The following XKRX variants were observed in gnomAD, a reference collection of about 807,000 sequenced individuals.
XKRX encodes the protein XK related X-linked, also known as XK-related protein 2.
In XKRX, 11 loss-of-function variants were observed where a neutral mutation model predicts 22.4. That is an observed-to-expected ratio of 0.49 (90% confidence interval 0.31 to 0.81). The LOEUF is 0.81. Ranked by LOEUF, XKRX falls within the 40% of genes least tolerant of loss-of-function variation. The pLI is 0.05. For synonymous variants in XKRX, 114 were observed against 132.2 expected (o/e 0.86, Z 0.94); for missense variants, 320 against 336.5 (o/e 0.95, Z 0.38).
At chrX:100,915,472 G>A (rs2085430031) in intron 2 of XKRX, among the ~76,000 whole-genome samples, 1 of 110,956 alleles carries the variant, frequency 9.0e-6, no homozygotes, top group African/African-American at 3.3e-5. Flanking sequence ...AGCCATTATG[G>A]AAAACAGCAT....
the XKRX span, among the ~76,000 whole-genome samples, chrX:100,908,106 A>T: frequency 4.6e-5 from 4 of 86,991 alleles, no homozygotes; most frequent in Admixed American, 1.3e-4. Context: ...TCATGCATGG[A>T]GTGTGTGTGT....
chrX:100,906,243 C>T, the XKRX span, among the ~76,000 whole-genome samples: 24 of 111,694 alleles, frequency 2.1e-4, no homozygotes, highest in African/African-American at 7.5e-4. Flanking sequence ...GATGAAGATA[C>T]ATTGACACAT....
At chrX:100,952,145 G>C in the XKRX span, among the ~76,000 whole-genome samples, 2 of 110,414 alleles carry the variant, frequency 1.8e-5, no homozygotes, top group Admixed American at 9.8e-5. Flanking sequence ...ATACAAGTCT[G>C]GTTCAATATT....
chrX:100,908,412 C>G, the XKRX span, among the ~76,000 whole-genome samples: 2 of 111,387 alleles, frequency 1.8e-5, no homozygotes, highest in African/African-American at 6.5e-5. Context: ...CCACTGCGCC[C>G]GGCCAGAATG....
chrX:100,923,071 T>C lies in XKRX; in HGVS notation c.336-10A>G, dbSNP rs1302853306. ...CATGGCCTCCAAACATCTGCAGAAG[T>C]AAAGCATCATGCAAACTTAACTAAG... On this transcript the variant is annotated splice_polypyrimidine_tract_variant and intron_variant, in intron 1 of 2. Transcript: ENST00000372956. 8.3e-7 allele frequency: 1 copy of C among 1,209,622 alleles called. No individual in the cohort carries two copies. Among genetic ancestry groups the C allele is most frequent in the Admixed American group, 2.2e-5 (1 of 45,930 alleles).
chrX:100,950,194 G>GA, the XKRX span, among the ~76,000 whole-genome samples: 2 of 111,676 alleles, frequency 1.8e-5, no homozygotes, highest in African/African-American at 6.5e-5. Context: ...CTAGGGGGCT[G>GA]AAAAAGTTCT....
At chrX:100,937,975 C>T in the XKRX span, among the ~76,000 whole-genome samples, 1 of 111,674 alleles carries the variant, frequency 9.0e-6, no homozygotes, top group African/African-American at 3.3e-5. Flanking sequence ...TGGGAAAGAT[C>T]ATGAATCTTG....
chrX:100,897,593 A>ATGTGTG, the XKRX span, among the ~76,000 whole-genome samples: 548 of 66,431 alleles, frequency 8.2e-3, 9 homozygotes, highest in East Asian at 0.025. Flanking sequence ...AAATATATAT[A>ATGTGTG]TGTGTGTGTG....
intron 2 of XKRX, among the ~76,000 whole-genome samples, chrX:100,918,814 C>T (rs759896888): frequency 2.7e-5 from 3 of 109,962 alleles, no homozygotes; most frequent in Non-Finnish European, 5.7e-5. Context: ...CCTTTTTCTC[C>T]TCCTCCCCCT....
At chrX:100,895,946 A>G in the XKRX span, among the ~76,000 whole-genome samples, 1 of 112,090 alleles carries the variant, frequency 8.9e-6, no homozygotes, top group East Asian at 2.8e-4. Context: ...AAGGCTTGCC[A>G]CAAAGGGTTG....
the XKRX span, among the ~76,000 whole-genome samples, chrX:100,955,025 G>A: frequency 2.7e-5 from 3 of 111,936 alleles, no homozygotes; most frequent in African/African-American, 9.7e-5. Flanking sequence ...ACTAAAAAAC[G>A]ATGAACTGCA....
upstream of XKRX, among the ~76,000 whole-genome samples, chrX:100,932,807 A>G (rs914916478): frequency 1.4e-4 from 16 of 112,557 alleles, no homozygotes; most frequent in African/African-American, 4.2e-4. Flanking sequence ...CAGAGAATCA[A>G]TAGCCAGAAT....
At chrX:100,917,621 AAAGAGAAAGAAAG>A (rs1318679920) in intron 2 of XKRX, among the ~76,000 whole-genome samples, 1 of 95,477 alleles carries the variant, frequency 1.0e-5, no homozygotes, top group African/African-American at 4.1e-5. Flanking sequence ...AGAGAGAAAG[AAAGAGAAAGAAAG>A]AAGAAAGAAA....
the XKRX span, among the ~76,000 whole-genome samples, chrX:100,947,128 T>G: frequency 5.4e-5 from 6 of 112,128 alleles, no homozygotes; most frequent in Non-Finnish European, 9.4e-5. Flanking sequence ...CAACTAAAAC[T>G]GAATTCATCT....
At chrX:100,890,009 A>C in the XKRX span, among the ~76,000 whole-genome samples, 2 of 111,680 alleles carry the variant, frequency 1.8e-5, no homozygotes, top group African/African-American at 3.3e-5. Context: ...GATAAGGAAC[A>C]AACCCTGCCT....
chrX:100,915,194 C>G, intron 2 of XKRX, 111 bp from the exon 3 acceptor site: 1 of 831,057 alleles, frequency 1.2e-6, no homozygotes, highest in Non-Finnish European at 1.7e-6. Context: ...CTTGAGAGCT[C>G]CAGTTAAGAG....
Position 100,914,473 on chromosome X carries a change from C to T in XKRX, c.1215G>A (p.Leu405=). The change falls in exon 3 of 3, where the codon TTG becomes TTA. Residue 405 remains leucine (L), a synonymous_variant. Coordinates refer to ENST00000372956, the MANE Select transcript of XKRX (RefSeq NM_212559.3). ...IGFMLLFFQY[L]HPLRSLFTHN... ...GGGTGAAGAGTGAGCGCAATGGATG[C>T]AAGTACTGGAAGAAAAGGAGCATGA... is the stretch of plus-strand genomic sequence containing the variant. The T allele has an allele frequency of 8.3e-7, 1 of 1,211,814 alleles. No individual in the cohort carries two copies. The highest frequency in any genetic ancestry group is 1.1e-6 in the Non-Finnish European group (1 of 895,539).
the XKRX span, chrX:100,957,537 T>G: frequency 9.0e-7 from 1 of 1,113,262 alleles, no homozygotes; most frequent in Non-Finnish European, 1.2e-6. Flanking sequence ...AGCTGTTGGT[T>G]GAAATCATAA....
At chrX:100,922,768 C>T in intron 2 of XKRX, 25 bp downstream of exon 2, 13 of 1,195,352 alleles carry the variant, frequency 1.1e-5, no homozygotes, top group Non-Finnish European at 1.5e-5. Context: ...TAACTGGAGC[C>T]CTCCCCTCTC....
Sources: gnomAD v4.1 joint callset for allele counts (sites outside exome capture counted in the v4.1 genomes callset) on GRCh38, gnomAD v4.1.1 for gene constraint, MANE v1.5 for transcripts, NCBI Gene and HGNC (gene_info 2026-07-23, HGNC 2026-07-21) for gene names.